OPN1LW: variants seen among roughly 807,000 people sequenced by gnomAD.
OPN1LW encodes long-wave-sensitive opsin 1.
In OPN1LW, 4 loss-of-function variants were observed where a neutral mutation model predicts 18.1. The observed-to-expected ratio is 0.22, with a 90% CI of 0.11 to 0.51. The LOEUF (loss-of-function observed/expected upper bound fraction) is 0.51, where lower values mean the gene tolerates loss of function less well. Among genes scored for constraint, OPN1LW ranks in the 20% least tolerant of loss-of-function variants. OPN1LW has a pLI of 0.97. For synonymous variants in OPN1LW, 86 were observed against 101.2 expected, an observed-to-expected ratio of 0.85 and a Z score of 0.90; for missense variants, 164 against 234.9, an observed-to-expected ratio of 0.70 and a Z score of 1.97.
rs1557157308 is a variant in OPN1LW at position 154,149,323 on chromosome X, T to A, written c.113-1333T>A. ...CAGGAGGATCTCTTGAGGTCAGGAG[T>A]TTGAGACCAGCCTGGTCAACATGGT... On this transcript the variant is annotated intron_variant, in intron 1 of 5. Transcript: ENST00000369951. 4.0e-5 allele frequency among the ~76,000 whole-genome samples: 4 copies of A among 99,492 alleles called. 1 individual carries two copies. Among genetic ancestry groups the A allele is most frequent in the African/African-American group, 1.8e-4 (4 of 22,396 alleles). The allele number at this position is 99,492 out of a possible 115,157, so 86.4% of individuals were successfully genotyped here.
At chrX:154,151,135 G>T (rs1310100945) in intron 2 of OPN1LW, among the ~76,000 whole-genome samples, 183 bp downstream of exon 2, 2 of 94,069 alleles carry the variant, frequency 2.1e-5, no homozygotes, top group Non-Finnish European at 4.1e-5. Flanking sequence ...ATTAAATTCA[G>T]CTCCCTTGAG....
rs184102751 is a variant in OPN1LW, at chrX:154,148,336, G to A, written c.113-2320G>A. On this transcript the variant is annotated intron_variant, in intron 1 of 5. Coordinates refer to ENST00000369951, the MANE Select transcript of OPN1LW (RefSeq NM_020061.6). ...GCTGGAGTGCAGTGGCGTGATCTCA[G>A]CTCACCGCAACCTCTGCCTCCTGGG... is the stretch of plus-strand genomic sequence containing the variant. Among the ~76,000 whole-genome samples, 9 of 103,584 alleles carry A rather than the reference G, an allele frequency of 8.7e-5. No individual in the cohort carries two copies. In the East Asian group the frequency reaches 2.3e-3, roughly 26 times the overall value. 90.0% of individuals were successfully genotyped at this position (103,584 alleles called of 115,157 possible).
At position 154,148,343 on chromosome X, in the gene OPN1LW, G is replaced by A. The variant is rs782066766; in HGVS notation, c.113-2313G>A. 2.3e-3 allele frequency among the ~76,000 whole-genome samples: 240 copies of A among 103,417 alleles called. 5 individuals are homozygous for A. The highest frequency in any genetic ancestry group is 3.6e-3 in the Non-Finnish European group (188 of 52,591). 89.8% of individuals were successfully genotyped at this position (103,417 alleles called of 115,157 possible). A position where few individuals can be genotyped will look rare whatever the true frequency, so the allele number is the denominator to read the frequency against. On this transcript the variant is annotated intron_variant, in intron 1 of 5. Coordinates refer to ENST00000369951, the MANE Select transcript of OPN1LW (RefSeq NM_020061.6). The stretch of plus-strand genomic sequence containing the variant: ...TGCAGTGGCGTGATCTCAGCTCACC[G>A]CAACCTCTGCCTCCTGGGTTCAAGT...
In OPN1LW at chrX:154,150,898, T is replaced by C. The variant is rs2067072166; in HGVS notation, c.355T>C (p.Phe119Leu). Reference sequence around the variant, plus strand: ...CATTGTGAACCAGGTCTCTGGCTACTTCGTGCTGGGCCACCCTATGTGTGT... The same window carrying C: ...CATTGTGAACCAGGTCTCTGGCTACCTCGTGCTGGGCCACCCTATGTGTGT... ...ISIVNQVSGYFVLGHPMCVLE... is the reference protein window; with the variant it reads ...ISIVNQVSGYLVLGHPMCVLE... The change falls in exon 2 of 6, where the codon TTC becomes CTC. Residue 119 changes from phenylalanine to leucine, a missense_variant. Physicochemically the swap from Phe to Leu is conservative, Grantham distance 22 (BLOSUM62 0). Transcript: ENST00000369951. 1 of 1,195,063 alleles carries C rather than the reference T, an allele frequency of 8.4e-7. No homozygotes were observed.
chrX:154,151,096 G>A (rs1482430914), intron 2 of OPN1LW, 144 bp downstream of exon 2: 58 of 805,779 alleles, frequency 7.2e-5, no homozygotes, highest in Non-Finnish European at 9.3e-5. Flanking sequence ...ATACTGAAGG[G>A]TTCTGGAGGC....
intron 1 of OPN1LW, among the ~76,000 whole-genome samples, chrX:154,149,691 A>G (rs1557157343): frequency 1.6e-5 from 1 of 64,492 alleles, no homozygotes; most frequent in Non-Finnish European, 2.6e-5. Flanking sequence ...TCCTGACTGC[A>G]GATTGCCAAC....
At position 154,154,701 on chromosome X, in the gene OPN1LW, A is replaced by T. The variant is rs1065426; in HGVS notation, c.706A>T (p.Met236Leu). ...TCCIIPLAII[M>L]LCYLQVWLAI... ...CTGCATCATCCCACTCGCTATCATC[A>T]TGCTCTGCTACCTCCAAGTGTGGCT... Residue 236 changes from methionine to leucine, a missense_variant, in exon 4 of 6, where the codon ATG (methionine) becomes TTG (leucine). Transcript: ENST00000369951. 1.2e-4 allele frequency: 146 copies of T among 1,189,675 alleles called. 5 individuals are homozygous for T. The highest frequency in any genetic ancestry group is 1.0e-4 in the Non-Finnish European group (91 of 882,805).
chrX:154,157,033 A>AGAGTTC (rs1284654783), intron 5 of OPN1LW, among the ~76,000 whole-genome samples: 5 of 48,648 alleles, frequency 1.0e-4, no homozygotes, highest in African/African-American at 3.4e-4. Flanking sequence ...ACACTGACCA[A>AGAGTTC]GAGTTCAAGA....
Position 154,156,404 on chromosome X carries a change from C to G in OPN1LW, c.855C>G (p.Thr285=), listed in dbSNP as rs1557157999. The G allele has an allele frequency of 5.8e-6, 7 of 1,205,225 alleles. No individual in the cohort carries two copies. Among genetic ancestry groups the G allele is most frequent in the East Asian group, 3.0e-5 (1 of 33,716 alleles). Residue 285 remains threonine (T), a synonymous_variant, in exon 5 of 6, where the codon ACC becomes ACG. Coordinates refer to ENST00000369951, the MANE Select transcript of OPN1LW (RefSeq NM_020061.6). ...ACTGCGTCTGCTGGGGACCCTACAC[C>G]TTCTTCGCATGCTTTGCTGCTGCCA... The part of the protein sequence containing the change: ...FAYCVCWGPY[T]FFACFAAANP...
In OPN1LW at chrX:154,149,583, C is replaced by T. The variant is rs1468736961; in HGVS notation, c.113-1073C>T. ...AGGAAAAGAATAAAAGAGAAATTACCATAGATTGGGTGGCTTTTAAATGAT... is the reference window on the plus strand; with the variant it reads ...AGGAAAAGAATAAAAGAGAAATTACTATAGATTGGGTGGCTTTTAAATGAT... On this transcript the variant is annotated intron_variant, in intron 1 of 5. Transcript: ENST00000369951. Among the ~76,000 whole-genome samples the T allele has an allele frequency of 1.0e-4, 9 of 86,192 alleles. 3 individuals carry two copies. Among genetic ancestry groups the T allele is most frequent in the African/African-American group, 4.4e-4 (8 of 18,218 alleles). The allele number at this position is 86,192 out of a possible 115,157, so 74.8% of individuals were successfully genotyped here. A position where few individuals can be genotyped will look rare whatever the true frequency, so the allele number is the denominator to read the frequency against.
At chrX:154,149,019 C>A (rs1557157239) in intron 1 of OPN1LW, among the ~76,000 whole-genome samples, 1 of 102,793 alleles carries the variant, frequency 9.7e-6, no homozygotes, top group African/African-American at 4.3e-5. Flanking sequence ...TCCTAGCTAA[C>A]ATGGTGAAGC....
At chrX:154,145,733 C>CA (rs1309932482) in intron 1 of OPN1LW, among the ~76,000 whole-genome samples, 1 of 96,556 alleles carries the variant, frequency 1.0e-5, no homozygotes, top group Non-Finnish European at 2.0e-5. Flanking sequence ...GCACTCTTTT[C>CA]AAATGTCGGG....
At chrX:154,156,672 A>G in intron 5 of OPN1LW, 139 bp downstream of exon 5, 2 of 1,065,197 alleles carry the variant, frequency 1.9e-6, no homozygotes, top group Non-Finnish European at 2.6e-6. Flanking sequence ...TGACCGGGAA[A>G]GGCTCAGCGT....
At chrX:154,148,981 G>A (rs1301402740) in intron 1 of OPN1LW, among the ~76,000 whole-genome samples, 2 of 103,891 alleles carry the variant, frequency 1.9e-5, no homozygotes, top group East Asian at 2.9e-4. Context: ...CGAGGCAGGC[G>A]GATCACGAGG....
rs1380353036 is a variant in OPN1LW, at chrX:154,148,055, A to AC, written c.113-2597dup. On this transcript the variant is annotated intron_variant, in intron 1 of 5. Coordinates refer to ENST00000369951, the MANE Select transcript of OPN1LW (RefSeq NM_020061.6). ...AGACCAGCCTAGGCAACATAGCCAG[A>AC]CCCCATCTCTACAGAAATAAAAAAA... 1.7e-4 allele frequency among the ~76,000 whole-genome samples: 15 copies of AC among 87,480 alleles called. 3 individuals carry two copies. The highest frequency in any genetic ancestry group is 9.1e-4 in the African/African-American group (15 of 16,540). 76.0% of individuals were successfully genotyped at this position (87,480 alleles called of 115,157 possible).
rs2067052864 is a variant in OPN1LW at position 154,144,267 on chromosome X, CAGGG to C, written c.-16_-13del. 8.3e-7 allele frequency: 1 copy of C among 1,208,762 alleles called. No homozygotes were observed. On this transcript the variant is annotated 5_prime_UTR_variant, in exon 1 of 6. Transcript: ENST00000369951. The stretch of plus-strand genomic sequence containing the variant: ...CGCCAGGGCCGGCTGCCGTCGGGGA[CAGGG>C]CTTTCCATAGCCATGGCCCAGCAGT...
intron 2 of OPN1LW, among the ~76,000 whole-genome samples, 195 bp downstream of exon 2, chrX:154,151,147 C>A (rs2067073101): frequency 1.1e-5 from 1 of 91,254 alleles, no homozygotes; most frequent in Admixed American, 1.2e-4. Context: ...TCCCTTGAGT[C>A]AAACATACCC....
chrX:154,154,627 G>T lies in OPN1LW; in HGVS notation c.632G>T (p.Ser211Ile). The change falls in exon 4 of 6, where the codon AGC (serine) becomes ATC (isoleucine). Residue 211 changes from serine to isoleucine, a missense_variant. By Grantham distance (142) the Ser-to-Ile change is moderately radical. Coordinates refer to ENST00000369951, the MANE Select transcript of OPN1LW (RefSeq NM_020061.6). ...TSCGPDVFSG[S>I]SYPGVQSYMI... Reference sequence around the variant, plus strand: ...TGCGGCCCAGACGTGTTCAGCGGCAGCTCGTACCCCGGGGTGCAGTCTTAC... The same window carrying T: ...TGCGGCCCAGACGTGTTCAGCGGCATCTCGTACCCCGGGGTGCAGTCTTAC... 1 of 1,189,704 alleles carries T rather than the reference G, an allele frequency of 8.4e-7. No individual in the cohort carries two copies. Among genetic ancestry groups the T allele is most frequent in the Non-Finnish European group, 1.1e-6 (1 of 882,000 alleles).
chrX:154,156,457 T>C lies in OPN1LW; in HGVS notation c.908T>C (p.Met303Thr). 2 of 1,205,085 alleles carry C rather than the reference T, an allele frequency of 1.7e-6. No individual in the cohort carries two copies. The highest frequency in any genetic ancestry group is 1.1e-6 in the Non-Finnish European group (1 of 890,530). ...ANPGYAFHPL[M>T]AALPAYFAKS... is the part of the protein sequence containing the mutation. Reference sequence around the variant, plus strand: ...CCTGGTTACGCCTTCCACCCTTTGATGGCTGCCCTGCCGGCCTACTTTGCC... The same window carrying C: ...CCTGGTTACGCCTTCCACCCTTTGACGGCTGCCCTGCCGGCCTACTTTGCC... The change falls in exon 5 of 6, where the codon ATG (methionine) becomes ACG (threonine). Residue 303 changes from methionine (M) to threonine (T), a missense_variant. Met to Thr is a moderately conservative substitution (Grantham distance 81). Transcript: ENST00000369951.
Sources: gnomAD v4.1 joint callset for allele counts (sites outside exome capture counted in the v4.1 genomes callset) on GRCh38, gnomAD v4.1.1 for gene constraint, MANE v1.5 for transcripts, NCBI Gene and HGNC (gene_info 2026-07-23, HGNC 2026-07-21) for gene names.